The following FIGN variants were observed in gnomAD, a reference collection of about 807,000 sequenced individuals.
The protein encoded by FIGN is fidgetin.
A neutral mutation model predicts 51.3 loss-of-function variants in FIGN; 11 were observed. That is an observed-to-expected ratio of 0.21 (90% CI 0.13 to 0.35). FIGN has a LOEUF of 0.35. Ranked by LOEUF, FIGN falls within the 10% of genes least tolerant of loss-of-function variation. The pLI is 1.00. For missense variants in FIGN, 857 were observed against 943.6 expected, an observed-to-expected ratio of 0.91 and a Z score of 1.20; for synonymous variants, 407 against 363.2, an observed-to-expected ratio of 1.12 and a Z score of -1.37.
intron 2 of FIGN, among the ~76,000 whole-genome samples, chr2:163,678,624 T>C (rs1340010745): frequency 6.6e-6 from 1 of 152,166 alleles, no homozygotes; most frequent in East Asian, 1.9e-4. Flanking sequence ...TACAATTGAG[T>C]CACTAATACT....
rs568351787 is a variant in FIGN at position 163,704,991 on chromosome 2, T to C, written c.25+29912A>G. 6.4e-4 allele frequency among the ~76,000 whole-genome samples: 97 copies of C among 152,214 alleles called. 1 individual carries two copies. The highest frequency in any genetic ancestry group is 2.3e-3 in the African/African-American group (94 of 41,556). On this transcript the variant is annotated intron_variant, in intron 2 of 2. Coordinates refer to ENST00000333129, the MANE Select transcript of FIGN (RefSeq NM_018086.4). The stretch of plus-strand genomic sequence containing the variant: ...AAAATATCCTCACAGATTTAAGATA[T>C]TGATTTTACTTTTCTCATCCATTGG...
chr2:163,677,353 A>C (rs1424431160), intron 2 of FIGN, among the ~76,000 whole-genome samples: 1 of 152,154 alleles, frequency 6.6e-6, no homozygotes. Flanking sequence ...CCTTAACCCC[A>C]CTGACTTCTC....
chr2:163,648,451 T>C (rs1391797361), intron 2 of FIGN, among the ~76,000 whole-genome samples: 1 of 152,180 alleles, frequency 6.6e-6, no homozygotes, highest in Non-Finnish European at 1.5e-5. Context: ...AGAACATATC[T>C]TTTTCCTGTC....
rs945166476 is a variant in FIGN, at chr2:163,611,472, G to T, written c.360C>A (p.Pro120=). The change falls in exon 3 of 3, where the codon CCC becomes CCA. Residue 120 remains proline, a synonymous_variant. Transcript: ENST00000333129. ...QPSLNSEAVY[P]MNCVPDVITA... is the part of the protein sequence containing the mutation. ...TGATAACATCCGGAACACAGTTCAT[G>T]GGATAAACAGCTTCTGAATTCAAGG... is the stretch of plus-strand genomic sequence containing the variant. 6.2e-7 allele frequency: 1 copy of T among 1,614,176 alleles called. No individual in the cohort carries two copies. The highest frequency in any genetic ancestry group is 1.3e-5 in the African/African-American group (1 of 75,050).
chr2:163,682,219 T>C (rs1326878960), intron 2 of FIGN, among the ~76,000 whole-genome samples: 1 of 152,210 alleles, frequency 6.6e-6, no homozygotes, highest in Non-Finnish European at 1.5e-5. Context: ...GGGAAAGGAA[T>C]TTGAGGATAT....
intron 2 of FIGN, among the ~76,000 whole-genome samples, chr2:163,710,510 T>C (rs955584422): frequency 6.6e-6 from 1 of 152,216 alleles, no homozygotes; most frequent in Non-Finnish European, 1.5e-5. Context: ...TAGTTTTGGA[T>C]GGGCCAAATG....
Position 163,609,140 on chromosome 2 carries a change from A to G in FIGN, c.*412T>C, listed in dbSNP as rs1691172025. The G allele has an allele frequency of 5.8e-6, 1 of 173,648 alleles. No homozygotes were observed. The highest frequency in any genetic ancestry group is 1.5e-4 in the South Asian group (1 of 6,530). The allele number at this position is 173,648 out of a possible 1,614,324, so 10.8% of individuals were successfully genotyped here. A position where few individuals can be genotyped will look rare whatever the true frequency, so the allele number is the denominator to read the frequency against. Reference sequence around the variant, plus strand: ...ATAATGTTTGAAGTTAAAGCTCTTTATATTAGCACATGCCACCAATGTAAT... The same window carrying G: ...ATAATGTTTGAAGTTAAAGCTCTTTGTATTAGCACATGCCACCAATGTAAT... On this transcript the variant is annotated 3_prime_UTR_variant, in exon 3 of 3. Coordinates refer to ENST00000333129, the MANE Select transcript of FIGN (RefSeq NM_018086.4).
intron 2 of FIGN, among the ~76,000 whole-genome samples, chr2:163,672,251 T>TAA (rs200826431): frequency 0.1 from 14,667 of 143,526 alleles, 759 homozygotes; most frequent in Admixed American, 0.13. Context: ...TCAATGGCTC[T>TAA]AAAAAAAAAA....
Position 163,697,068 on chromosome 2 carries a change from A to G in FIGN, c.25+37835T>C, listed in dbSNP as rs533282785. ...TGCTTTCCCTGACACAGCACTAAGC[A>G]CATTGTGTCATAATTTTTTTTCTTT... On this transcript the variant is annotated intron_variant, in intron 2 of 2. Coordinates refer to ENST00000333129, the MANE Select transcript of FIGN (RefSeq NM_018086.4). 6.0e-5 allele frequency among the ~76,000 whole-genome samples: 9 copies of G among 150,784 alleles called. No individual in the cohort carries two copies. In the East Asian group the frequency reaches 1.8e-3, roughly 29 times the overall value.
At chr2:163,664,141 A>G (rs1191341611) in intron 2 of FIGN, among the ~76,000 whole-genome samples, 2 of 152,124 alleles carry the variant, frequency 1.3e-5, no homozygotes, top group Non-Finnish European at 1.5e-5. Context: ...GAGGATGTAG[A>G]TGAGGCAAGT....
chr2:163,723,716 G>A (rs995426378), intron 2 of FIGN, among the ~76,000 whole-genome samples: 4 of 152,156 alleles, frequency 2.6e-5, no homozygotes, highest in Non-Finnish European at 5.9e-5. Flanking sequence ...AGGATTTGAG[G>A]TTTCTAACTC....
intron 2 of FIGN, among the ~76,000 whole-genome samples, chr2:163,618,018 G>A (rs1397350784): frequency 6.6e-6 from 1 of 152,060 alleles, no homozygotes; most frequent in Non-Finnish European, 1.5e-5. Flanking sequence ...TCAACCTCAG[G>A]ACAGCAACTG....
At chr2:163,696,075 C>A (rs557109061) in intron 2 of FIGN, among the ~76,000 whole-genome samples, 3 of 151,984 alleles carry the variant, frequency 2.0e-5, no homozygotes, top group African/African-American at 7.3e-5. Context: ...CATGCCACTG[C>A]ACTCCAGGAT....
intron 2 of FIGN, among the ~76,000 whole-genome samples, chr2:163,726,531 C>T (rs1227415863): frequency 6.6e-6 from 1 of 151,984 alleles, no homozygotes; most frequent in Non-Finnish European, 1.5e-5. Context: ...TACTTAAAGT[C>T]ATGAATATGT....
chr2:163,732,037 C>T (rs1368932243), intron 2 of FIGN, among the ~76,000 whole-genome samples: 1 of 152,174 alleles, frequency 6.6e-6, no homozygotes, highest in East Asian at 1.9e-4. Flanking sequence ...AGAAACACTT[C>T]TTTCCTATCT....
chr2:163,639,508 C>A (rs1279328730), intron 2 of FIGN, among the ~76,000 whole-genome samples: 2 of 152,072 alleles, frequency 1.3e-5, no homozygotes, highest in Non-Finnish European at 2.9e-5. Context: ...TCAGGTACCA[C>A]AATTGTCAAT....
At chr2:163,617,013 G>C (rs1045503765) in intron 2 of FIGN, 3 of 729,484 alleles carry the variant, frequency 4.1e-6, no homozygotes, top group Non-Finnish European at 5.0e-6. Flanking sequence ...CAATGGGAGT[G>C]ATGACCAAAT....
chr2:163,724,609 T>G (rs1684811782), intron 2 of FIGN, among the ~76,000 whole-genome samples: 1 of 152,144 alleles, frequency 6.6e-6, no homozygotes, highest in Non-Finnish European at 1.5e-5. Context: ...ATCAAATTTT[T>G]CTAAAACCAA....
At chr2:163,702,676 A>T (rs1419631039) in intron 2 of FIGN, among the ~76,000 whole-genome samples, 1 of 152,180 alleles carries the variant, frequency 6.6e-6, no homozygotes, top group Non-Finnish European at 1.5e-5. Flanking sequence ...AAAGAAAAGA[A>T]AAAGGAGTCA....
Sources: allele counts gnomAD v4.1 joint callset (sites outside exome capture counted in the v4.1 genomes callset), GRCh38; gene constraint gnomAD v4.1.1; transcripts MANE v1.5; gene names NCBI Gene and HGNC (gene_info 2026-07-23, HGNC 2026-07-21).